QTMAN: variants seen among roughly 807,000 people sequenced by gnomAD.
The protein encoded by QTMAN is queuosine-tRNA mannosyltransferase.
the QTMAN span, among the ~76,000 whole-genome samples, chr2:144,141,581 T>G: frequency 4.8e-5 from 7 of 145,450 alleles, no homozygotes; most frequent in African/African-American, 1.5e-4. Context: ...GACAATGACT[T>G]CTGTAACAAA....
At chr2:144,081,150 GA>G in the QTMAN span, among the ~76,000 whole-genome samples, 1 of 152,118 alleles carries the variant, frequency 6.6e-6, no homozygotes, top group East Asian at 1.9e-4. Flanking sequence ...AAAATCTGCA[GA>G]GGGGAGTATC....
chr2:144,202,017 T>C, the QTMAN span, among the ~76,000 whole-genome samples: 1 of 152,194 alleles, frequency 6.6e-6, no homozygotes, highest in African/African-American at 2.4e-5. Flanking sequence ...TACTCTCCCC[T>C]TGCAGTCATC....
chr2:144,160,055 G>A, the QTMAN span, among the ~76,000 whole-genome samples: 1 of 152,058 alleles, frequency 6.6e-6, no homozygotes, highest in Admixed American at 6.6e-5. Context: ...GAGATGATTA[G>A]AGCAATACAG....
At chr2:144,184,065 G>C in the QTMAN span, among the ~76,000 whole-genome samples, 1 of 152,144 alleles carries the variant, frequency 6.6e-6, no homozygotes, top group East Asian at 1.9e-4. Flanking sequence ...GCAAAAGCTG[G>C]GATAAGTTAG....
the QTMAN span, among the ~76,000 whole-genome samples, chr2:144,005,063 C>T: frequency 1.3e-5 from 2 of 151,908 alleles, no homozygotes; most frequent in Non-Finnish European, 2.9e-5. Flanking sequence ...AGCTATCAGA[C>T]GCGGGCCAGA....
chr2:143,944,644 C>G, the QTMAN span: 1 of 152,192 alleles, frequency 6.6e-6, no homozygotes, highest in Non-Finnish European at 1.5e-5. Context: ...TGGGGTTTCA[C>G]CGTGTTAGCC....
the QTMAN span, among the ~76,000 whole-genome samples, chr2:144,309,589 T>C: frequency 1.3e-5 from 2 of 152,178 alleles, no homozygotes; most frequent in Non-Finnish European, 2.9e-5. Flanking sequence ...ATTAGTTGCC[T>C]GGAGATGAGA....
chr2:144,030,659 T>TA, the QTMAN span, among the ~76,000 whole-genome samples: 24 of 150,958 alleles, frequency 1.6e-4, no homozygotes, highest in Admixed American at 1.3e-3. Flanking sequence ...GAAGGAAATT[T>TA]AAAAAAAAAG....
At chr2:143,993,194 G>A in the QTMAN span, among the ~76,000 whole-genome samples, 2 of 152,280 alleles carry the variant, frequency 1.3e-5, no homozygotes, top group Non-Finnish European at 2.9e-5. Context: ...GAGACTGTGT[G>A]TGTGATTTTT....
chr2:144,044,995 G>A, the QTMAN span, among the ~76,000 whole-genome samples: 1 of 152,176 alleles, frequency 6.6e-6, no homozygotes, highest in Non-Finnish European at 1.5e-5. Context: ...ATATATGTAT[G>A]AGACAGCAAC....
At chr2:144,127,460 G>C in the QTMAN span, among the ~76,000 whole-genome samples, 1 of 152,060 alleles carries the variant, frequency 6.6e-6, no homozygotes, top group South Asian at 2.1e-4. Flanking sequence ...AGTTAGTCAT[G>C]AGGGAAGAGA....
the QTMAN span, among the ~76,000 whole-genome samples, chr2:144,212,195 G>A: frequency 2.0e-5 from 3 of 152,204 alleles, no homozygotes; most frequent in African/African-American, 2.4e-5. Flanking sequence ...GGGTACGGTG[G>A]CTCACGCCTG....
chr2:143,991,769 G>A, the QTMAN span, among the ~76,000 whole-genome samples: 975 of 142,664 alleles, frequency 6.8e-3, 7 homozygotes, highest in Non-Finnish European at 0.011. Context: ...CAGCCGCCCC[G>A]TCTGGGAGGG....
At chr2:143,942,606 G>GA in the QTMAN span, 13 of 167,170 alleles carry the variant, frequency 7.8e-5, no homozygotes, top group Admixed American at 8.5e-4. Flanking sequence ...CCTTCAGAAG[G>GA]GAGTTTAGAG....
chr2:144,295,374 C>T, the QTMAN span: 6 of 152,210 alleles, frequency 3.9e-5, no homozygotes, highest in Admixed American at 3.9e-4. Flanking sequence ...CACTGTATCC[C>T]CAGTGCCTGT....
At chr2:144,319,037 A>T in the QTMAN span, among the ~76,000 whole-genome samples, 2 of 152,210 alleles carry the variant, frequency 1.3e-5, no homozygotes, top group African/African-American at 4.8e-5. Context: ...CTTCTAAAAA[A>T]CAAAAATACA....
the QTMAN span, among the ~76,000 whole-genome samples, chr2:144,176,507 T>C: frequency 6.6e-6 from 1 of 151,898 alleles, no homozygotes; most frequent in East Asian, 1.9e-4. Context: ...ATTAGGCAAG[T>C]GAAAAAAACC....
chr2:144,244,519 T>C, the QTMAN span, among the ~76,000 whole-genome samples: 1 of 152,212 alleles, frequency 6.6e-6, no homozygotes, highest in Non-Finnish European at 1.5e-5. Context: ...GGGGGAGGCT[T>C]TGTATTTTTT....
chr2:143,962,937 C>CTT, the QTMAN span, among the ~76,000 whole-genome samples: 2 of 152,090 alleles, frequency 1.3e-5, no homozygotes, highest in East Asian at 3.8e-4. Flanking sequence ...AGTTACAAGT[C>CTT]TTTACTTTTA....
Sources: gnomAD v4.1 joint callset for allele counts (sites outside exome capture counted in the v4.1 genomes callset) on GRCh38, gnomAD v4.1.1 for gene constraint, MANE v1.5 for transcripts, NCBI Gene and HGNC (gene_info 2026-07-23, HGNC 2026-07-21) for gene names.